Variants in MARCHF6 observed in about 807,000 individuals in gnomAD.
The protein encoded by MARCHF6 is membrane associated ring-CH-type finger 6, also known as E3 ubiquitin-protein ligase MARCHF6.
In MARCHF6, 31 loss-of-function variants were observed where a neutral mutation model predicts 133.7. The observed-to-expected ratio is 0.23, with a 90% confidence interval of 0.17 to 0.31. The LOEUF (loss-of-function observed/expected upper bound fraction) is 0.31, where lower values mean the gene tolerates loss of function less well. Among genes scored for constraint, MARCHF6 ranks in the 10% least tolerant of loss-of-function variants. The pLI is 1.00. For missense variants in MARCHF6, 723 were observed against 1,121.6 expected, an observed-to-expected ratio of 0.64 and a Z score of 5.08; for synonymous variants, 395 against 402.5, an observed-to-expected ratio of 0.98 and a Z score of 0.22.
intron 1 of MARCHF6, among the ~76,000 whole-genome samples, chr5:10,369,614 C>T (rs912857265): frequency 1.2e-4 from 1 of 8,366 alleles, no homozygotes; most frequent in African/African-American, 2.9e-4. Context: ...CCCCCCCCCC[C>T]CCTTGCAAAT....
In MARCHF6 at chr5:10,436,799, C is replaced by T. The variant is rs1276816218; in HGVS notation, c.*3115C>T. 1 of 152,272 alleles carries T rather than the reference C, an allele frequency of 6.6e-6. No individual in the cohort carries two copies. The highest frequency in any genetic ancestry group is 6.5e-5 in the Admixed American group (1 of 15,286). The allele number at this position is 152,272 out of a possible 1,614,324, so 9.4% of individuals were successfully genotyped here. On this transcript the variant is annotated 3_prime_UTR_variant, in exon 26 of 26. Coordinates refer to ENST00000274140, the MANE Select transcript of MARCHF6 (RefSeq NM_005885.4). Reference sequence around the variant, plus strand: ...AAAAACTTCCCATGTTTTTAGGTGACTTTTTTCCCCCTCTTAGTACTCTGG... The same window carrying T: ...AAAAACTTCCCATGTTTTTAGGTGATTTTTTTCCCCCTCTTAGTACTCTGG...
chr5:10,414,576 T>A (rs1739401436), intron 20 of MARCHF6, 74 bp downstream of exon 20: 15 of 1,237,468 alleles, frequency 1.2e-5, no homozygotes. Flanking sequence ...AGAGTCTTGC[T>A]CTGTTCCCCA....
chr5:10,411,309 G>A (rs1739216825), intron 18 of MARCHF6, 24 bp from the exon 19 acceptor site: 3 of 1,593,082 alleles, frequency 1.9e-6, no homozygotes, highest in Non-Finnish European at 2.6e-6. Context: ...AGTGAGACTT[G>A]TTACTGATGT....
chr5:10,358,330 T>C (rs1735608307), intron 1 of MARCHF6, among the ~76,000 whole-genome samples: 1 of 152,138 alleles, frequency 6.6e-6, no homozygotes, highest in South Asian at 2.1e-4. Flanking sequence ...TTGACTTTTA[T>C]AGTGAGATAG....
Position 10,433,667 on chromosome 5 carries a change from C to T in MARCHF6, c.2716C>T (p.Gln906Ter), listed in dbSNP as rs759705484. The change falls in exon 26 of 26, where the codon CAG becomes TAG. Residue 906 changes from glutamine to a stop codon, truncating the protein, a stop_gained. Transcript: ENST00000274140. LOFTEE classifies it high-confidence loss of function. ...ACAAGGCTCATCTCCACCACCTCCA[C>T]AGTCATCCCAAGAATAAAGTAGTTG... The part of the protein sequence containing the change: ...GKQGSSPPPP[Q>*]SSQE The T allele has an allele frequency of 6.2e-7, 1 of 1,614,170 alleles. No individual in the cohort carries two copies. Among genetic ancestry groups the T allele is most frequent in the South Asian group, 1.1e-5 (1 of 91,086 alleles).
At chr5:10,428,689 C>G (rs1350773545) in intron 24 of MARCHF6, among the ~76,000 whole-genome samples, 3 of 152,122 alleles carry the variant, frequency 2.0e-5, no homozygotes, top group Non-Finnish European at 4.4e-5. Flanking sequence ...TATTTTGACT[C>G]TTTAGAACAA....
intron 1 of MARCHF6, 108 bp from the exon 2 acceptor site, chr5:10,377,690 A>G: frequency 1.5e-6 from 1 of 660,614 alleles, no homozygotes; most frequent in Non-Finnish European, 2.8e-6. Flanking sequence ...TGTTTTGTCA[A>G]GTGATAGATT....
intron 5 of MARCHF6, among the ~76,000 whole-genome samples, chr5:10,390,063 T>A (rs1352164650): frequency 1.3e-5 from 2 of 152,194 alleles, no homozygotes; most frequent in Admixed American, 6.5e-5. Flanking sequence ...GATAGGTAAT[T>A]TCCATATAGT....
rs1159832726 is a variant in MARCHF6, at chr5:10,373,569, G to T, written c.20-4229G>T. ...GGATGTCACTCCACCTGTTGTCCTT[G>T]CCTCTCACAGGCAGCAATGTGCCAG... On this transcript the variant is annotated intron_variant, in intron 1 of 25. Coordinates refer to ENST00000274140, the MANE Select transcript of MARCHF6 (RefSeq NM_005885.4). Among the ~76,000 whole-genome samples the T allele has an allele frequency of 6.6e-5, 10 of 152,268 alleles. No individual in the cohort carries two copies. In the South Asian group the frequency reaches 1.2e-3, roughly 19 times the overall value.
In MARCHF6 at chr5:10,360,589, A is replaced by T. The variant is rs928676507; in HGVS notation, c.19+6672A>T. Among the ~76,000 whole-genome samples the T allele has an allele frequency of 4.6e-5, 7 of 152,168 alleles. No homozygotes were observed. In the East Asian group the frequency reaches 9.6e-4, roughly 21 times the overall value. ...CATCTGTGGATTTTGGCACCTGTGGACTTCCTGAAACCAATCCCCCAGGGT... is the reference window on the plus strand; with the variant it reads ...CATCTGTGGATTTTGGCACCTGTGGTCTTCCTGAAACCAATCCCCCAGGGT... On this transcript the variant is annotated intron_variant, in intron 1 of 25. Transcript: ENST00000274140.
At chr5:10,386,033 T>C (rs1229925670) in intron 4 of MARCHF6, among the ~76,000 whole-genome samples, 2 of 152,200 alleles carry the variant, frequency 1.3e-5, no homozygotes, top group Non-Finnish European at 2.9e-5. Context: ...TCTTATTTTT[T>C]TTTTTTTAGC....
chr5:10,387,285 T>C (rs572499564), intron 5 of MARCHF6, among the ~76,000 whole-genome samples: 4 of 152,188 alleles, frequency 2.6e-5, no homozygotes, highest in African/African-American at 9.6e-5. Context: ...TTTGTAATGA[T>C]GGGATGACTT....
chr5:10,438,205 A>G lies in MARCHF6; in HGVS notation c.*4521A>G, dbSNP rs933836818. The G allele has an allele frequency of 6.6e-6, 1 of 152,214 alleles. No individual in the cohort carries two copies. Among genetic ancestry groups the G allele is most frequent in the Admixed American group, 6.5e-5 (1 of 15,282 alleles). The allele number at this position is 152,214 out of a possible 1,614,324, so 9.4% of individuals were successfully genotyped here. ...TAGCTGAATACTTAGAGTAAAACCA[A>G]TCAAATCCATTGTACATACCTGACC... On this transcript the variant is annotated 3_prime_UTR_variant, in exon 26 of 26. Coordinates refer to ENST00000274140, the MANE Select transcript of MARCHF6 (RefSeq NM_005885.4).
At chr5:10,369,102 T>C (rs972657476) in intron 1 of MARCHF6, among the ~76,000 whole-genome samples, 1 of 152,240 alleles carries the variant, frequency 6.6e-6, no homozygotes, top group African/African-American at 2.4e-5. Flanking sequence ...TGCAGTGTGA[T>C]GAATTGTGTT....
chr5:10,396,180 T>A (rs765072536), intron 9 of MARCHF6, among the ~76,000 whole-genome samples: 1 of 152,218 alleles, frequency 6.6e-6, no homozygotes, highest in Non-Finnish European at 1.5e-5. Flanking sequence ...TGCCTATGAA[T>A]GAGACAGGGT....
chr5:10,420,901 T>C (rs1408456407), intron 22 of MARCHF6, among the ~76,000 whole-genome samples: 1 of 152,250 alleles, frequency 6.6e-6, no homozygotes, highest in African/African-American at 2.4e-5. Flanking sequence ...TCTAATAGCA[T>C]CTGATACAGA....
In MARCHF6 at chr5:10,353,707, C is replaced by T. The variant is rs1735237242; in HGVS notation, c.-192C>T. 1 of 450,874 alleles carries T rather than the reference C, an allele frequency of 2.2e-6. No individual in the cohort carries two copies. Among genetic ancestry groups the T allele is most frequent in the Non-Finnish European group, 4.1e-6 (1 of 246,370 alleles). The allele number at this position is 450,874 out of a possible 1,614,324, so 27.9% of individuals were successfully genotyped here. A position where few individuals can be genotyped will look rare whatever the true frequency, so the allele number is the denominator to read the frequency against. On this transcript the variant is annotated 5_prime_UTR_variant, in exon 1 of 26. Coordinates refer to ENST00000274140, the MANE Select transcript of MARCHF6 (RefSeq NM_005885.4). ...CTCGCCCCTAGGTGTTCCCGCCCCT[C>T]CCCCTCCCGTGTCGCTCGCTTTCTG...
At chr5:10,410,390 G>T (rs1384519192) in intron 18 of MARCHF6, 114 bp downstream of exon 18, 1 of 1,265,010 alleles carries the variant, frequency 7.9e-7, no homozygotes, top group South Asian at 1.7e-5. Context: ...TTTAATAAGA[G>T]ACAATTTAGT....
intron 1 of MARCHF6, among the ~76,000 whole-genome samples, chr5:10,359,989 G>C (rs1233767426): frequency 1.3e-5 from 2 of 151,876 alleles, no homozygotes; most frequent in African/African-American, 2.4e-5. Flanking sequence ...CTGGGCAACA[G>C]AGCAAGACTC....
Sources: gnomAD v4.1 joint callset for allele counts (sites outside exome capture counted in the v4.1 genomes callset) on GRCh38, gnomAD v4.1.1 for gene constraint, MANE v1.5 for transcripts, NCBI Gene and HGNC (gene_info 2026-07-23, HGNC 2026-07-21) for gene names.